The following SLC27A6 variants were observed in gnomAD, a reference collection of about 807,000 sequenced individuals.
SLC27A6 encodes solute carrier family 27 member 6, also known as long-chain fatty acid transport protein 6.
In SLC27A6, 74 loss-of-function variants were observed where a neutral mutation model predicts 63.9. The ratio of observed to expected loss-of-function variants is 1.16; its 90% CI spans 0.96 to 1.40. SLC27A6 has a LOEUF of 1.40. Among genes scored for constraint, SLC27A6 ranks in the 40% most tolerant of loss-of-function variants. The pLI is 0.00. For missense variants in SLC27A6, 794 were observed against 732.9 expected, an observed-to-expected ratio of 1.08 and a Z score of -0.96; for synonymous variants, 287 against 260.8, an observed-to-expected ratio of 1.10 and a Z score of -0.97.
At chr5:129,004,495 C>T (rs552256550) in intron 4 of SLC27A6, among the ~76,000 whole-genome samples, 9 of 152,098 alleles carry the variant, frequency 5.9e-5, no homozygotes, top group Non-Finnish European at 1.3e-4. Context: ...ATATCTTTCA[C>T]TTGTGTGAGT....
intron 2 of SLC27A6, 133 bp downstream of exon 2, chr5:128,985,469 A>G (rs1480522647): frequency 1.5e-6 from 1 of 686,642 alleles, no homozygotes; most frequent in African/African-American, 1.8e-5. Flanking sequence ...TAAGGATCTC[A>G]GAGGCTAGAA....
rs1441084792 is a variant in SLC27A6, at chr5:129,029,692, A to G, written c.1668A>G (p.Arg556=). 2 of 1,596,042 alleles carry G rather than the reference A, an allele frequency of 1.3e-6. No individual in the cohort carries two copies. The highest frequency in any genetic ancestry group is 3.7e-5 in the Admixed American group (2 of 54,586). ...TTCTACCAGCTTATGCTTGTCCACG[A>G]TTTTTAAGAATTCAGGTAATTTTAG... is the stretch of plus-strand genomic sequence containing the variant. ...VTFLPAYACP[R]FLRIQEKMEA... The change falls in exon 9 of 10, where the codon CGA becomes CGG. Residue 556 remains arginine, a synonymous_variant. Transcript: ENST00000262462.
intron 7 of SLC27A6, 86 bp downstream of exon 7, chr5:129,027,417 C>T (rs559128144): frequency 4.0e-6 from 4 of 1,008,740 alleles, no homozygotes; most frequent in East Asian, 4.8e-5. Context: ...TATGCTTTAG[C>T]TTTCAGGGCA....
At chr5:129,013,970 G>A (rs961215362) in intron 4 of SLC27A6, among the ~76,000 whole-genome samples, 6 of 152,196 alleles carry the variant, frequency 3.9e-5, no homozygotes, top group Admixed American at 1.3e-4. Flanking sequence ...GGGTGACTAA[G>A]TGAGGATCCA....
intron 3 of SLC27A6, among the ~76,000 whole-genome samples, chr5:128,989,914 A>C (rs1446389521): frequency 7.6e-6 from 1 of 132,046 alleles, no homozygotes; most frequent in Non-Finnish European, 1.6e-5. Flanking sequence ...ACAGGGTGAG[A>C]CTCCGTCTCA....
At chr5:129,012,531 G>A (rs191420411) in intron 4 of SLC27A6, among the ~76,000 whole-genome samples, 341 of 151,852 alleles carry the variant, frequency 2.2e-3, no homozygotes, top group Admixed American at 5.1e-3. Flanking sequence ...TTTTTTTCCC[G>A]CTTATTCTAT....
intron 6 of SLC27A6, among the ~76,000 whole-genome samples, chr5:129,025,100 T>C (rs1023699037): frequency 6.6e-6 from 1 of 152,196 alleles, no homozygotes; most frequent in Non-Finnish European, 1.5e-5. Flanking sequence ...CCCAGAACTG[T>C]GCTTATGTAA....
chr5:129,028,430 G>A lies in SLC27A6; in HGVS notation c.1540G>A (p.Val514Met), dbSNP rs1227999900. 1.3e-6 allele frequency: 2 copies of A among 1,589,930 alleles called. No individual in the cohort carries two copies. ...CATACAGGAAGCAAACGTCTATGGT[G>A]TGGCTATATCAGGTATAAATATATT... ...DFIQEANVYG[V>M]AISGYEGRAG... is the part of the protein sequence containing the mutation. Residue 514 changes from valine (V) to methionine (M), a missense_variant, in exon 8 of 10, where the codon GTG becomes ATG. Transcript: ENST00000262462.
At chr5:129,009,673 G>C (rs1580734512) in intron 4 of SLC27A6, among the ~76,000 whole-genome samples, 1 of 13,090 alleles carries the variant, frequency 7.6e-5, no homozygotes, top group African/African-American at 1.8e-4. Flanking sequence ...ACATTTCTTT[G>C]TGTGTGTGTG....
chr5:129,000,187 A>AGGT (rs1218884098), intron 4 of SLC27A6, among the ~76,000 whole-genome samples: 2 of 152,164 alleles, frequency 1.3e-5, no homozygotes, highest in Non-Finnish European at 2.9e-5. Flanking sequence ...CTGGATTATG[A>AGGT]GGTCTGTCTT....
rs549437809 is a variant in SLC27A6, at chr5:128,991,311, G to T, written c.969+847G>T. ...AGCTAGGCTTAGGAATTCTTAGTCG[G>T]CCTAGGAAATCCAGCTAGTCCTGTC... On this transcript the variant is annotated intron_variant, in intron 4 of 9. Coordinates refer to ENST00000262462, the MANE Select transcript of SLC27A6 (RefSeq NM_001017372.3). 1.6e-4 allele frequency among the ~76,000 whole-genome samples: 24 copies of T among 152,270 alleles called. No individual in the cohort carries two copies. The East Asian group carries it at 3.5e-3, about 22-fold the overall frequency.
At chr5:128,990,549 A>C in intron 4 of SLC27A6, 85 bp downstream of exon 4, 5 of 1,343,144 alleles carry the variant, frequency 3.7e-6, no homozygotes. Flanking sequence ...CTTTGTTTAT[A>C]CTCTACCTTT....
intron 2 of SLC27A6, among the ~76,000 whole-genome samples, chr5:128,986,188 C>T (rs1158094178): frequency 6.6e-6 from 1 of 152,048 alleles, no homozygotes; most frequent in Non-Finnish European, 1.5e-5. Context: ...GTGGCATGCA[C>T]CTGTAGTACC....
Position 128,985,181 on chromosome 5 carries a change from T to C in SLC27A6, c.530T>C (p.Ile177Thr). Residue 177 changes from isoleucine (I) to threonine (T), a missense_variant, in exon 2 of 10, where the codon ATC (isoleucine) becomes ACC (threonine). Ile to Thr is a moderately conservative substitution (Grantham distance 89). Transcript: ENST00000262462. ...ATCCTTCCAAGCCTCTCAGAAAATA[T>C]CAGTGTTTGGGGGATGAAAGATTCT... ...EEILPSLSEN[I>T]SVWGMKDSVP... is the part of the protein sequence containing the mutation. 1 of 1,614,016 alleles carries C rather than the reference T, an allele frequency of 6.2e-7. No homozygotes were observed. The highest frequency in any genetic ancestry group is 8.5e-7 in the Non-Finnish European group (1 of 1,179,952).
Position 128,965,922 on chromosome 5 carries a change from C to T in SLC27A6, c.-216C>T. 2.1e-6 allele frequency: 1 copy of T among 468,180 alleles called. No homozygotes were observed. Among genetic ancestry groups the T allele is most frequent in the African/African-American group, 2.0e-5 (1 of 50,872 alleles). The allele number at this position is 468,180 out of a possible 1,614,324, so 29.0% of individuals were successfully genotyped here. A position where few individuals can be genotyped will look rare whatever the true frequency, so the allele number is the denominator to read the frequency against. On this transcript the variant is annotated 5_prime_UTR_variant, in exon 1 of 10. Transcript: ENST00000262462. ...AGCCGCCCAGTGACCCAAGCTTAAT[C>T]TTCAGCACCACTTGGGGCGACCTTT... is the stretch of plus-strand genomic sequence containing the variant.
At chr5:128,983,505 G>C (rs1750685762) in intron 1 of SLC27A6, among the ~76,000 whole-genome samples, 1 of 151,936 alleles carries the variant, frequency 6.6e-6, no homozygotes, top group African/African-American at 2.4e-5. Context: ...ATGTTGGCCA[G>C]GCTGGTCTCG....
chr5:129,025,159 A>G (rs948936036), intron 6 of SLC27A6, among the ~76,000 whole-genome samples: 3 of 152,142 alleles, frequency 2.0e-5, no homozygotes, highest in Non-Finnish European at 2.9e-5. Context: ...CTGTTTTTCT[A>G]TTTTGGAATT....
intron 4 of SLC27A6, among the ~76,000 whole-genome samples, chr5:129,003,082 C>T (rs951739561): frequency 4.6e-5 from 7 of 152,186 alleles, no homozygotes; most frequent in Admixed American, 4.6e-4. Flanking sequence ...CTCTGTATGT[C>T]TAGTTTGTGT....
chr5:129,031,850 G>A (rs1171152216), intron 9 of SLC27A6, among the ~76,000 whole-genome samples: 1 of 151,938 alleles, frequency 6.6e-6, no homozygotes, highest in African/African-American at 2.4e-5. Flanking sequence ...AAGAGTAAAA[G>A]GATATGTTTG....
Sources: gnomAD v4.1 joint callset for allele counts (sites outside exome capture counted in the v4.1 genomes callset) on GRCh38, gnomAD v4.1.1 for gene constraint, MANE v1.5 for transcripts, NCBI Gene and HGNC (gene_info 2026-07-23, HGNC 2026-07-21) for gene names.